SGK2: variants seen among roughly 807,000 people sequenced by gnomAD.
SGK2 encodes serum/glucocorticoid regulated kinase 2.
Under a neutral mutation model 47.5 loss-of-function variants are expected in SGK2, and 36 were observed. That is an observed-to-expected ratio of 0.76 (90% CI 0.58 to 1.00). The LOEUF (loss-of-function observed/expected upper bound fraction) is 1.00, where lower values mean the gene tolerates loss of function less well. Among genes scored for constraint, SGK2 ranks in the 50% least tolerant of loss-of-function variants. The pLI, the probability that SGK2 is intolerant of heterozygous loss-of-function variation, is 0.00. For missense variants in SGK2, 404 were observed against 467.4 expected (o/e 0.86, Z 1.25); for synonymous variants, 157 against 181.9 (o/e 0.86, Z 1.10).
intron 12 of SGK2, chr20:43,583,681 T>A: frequency 1.1e-6 from 1 of 897,816 alleles, no homozygotes; most frequent in Non-Finnish European, 1.3e-6. Context: ...AAAACAACAA[T>A]CTTTTGGCTG....
chr20:43,565,357 G>T (rs1397199827), intron 1 of SGK2: 1 of 152,472 alleles, frequency 6.6e-6, no homozygotes, highest in East Asian at 1.9e-4. Context: ...GGGTGTGGCA[G>T]TGTTGTGGGC....
At position 43,574,994 on chromosome 20, in the gene SGK2, T is replaced by C; in HGVS notation, c.683T>C (p.Leu228Pro). Residue 228 changes from leucine (L) to proline (P), a missense_variant, in exon 10 of 13, where the codon CTC becomes CCC. Transcript: ENST00000373100. ...TTGGGGGCAGTCCTCTACGAGATGC[T>C]CCATGGCCTGGTGAGTCAGGGGTAG... ...WCLGAVLYEM[L>P]HGLPPFYSQD... 3.1e-6 allele frequency: 5 copies of C among 1,612,992 alleles called. No individual in the cohort carries two copies. Among genetic ancestry groups the C allele is most frequent in the Non-Finnish European group, 4.2e-6 (5 of 1,179,140 alleles).
At chr20:43,583,290 A>C (rs1245561073) in intron 12 of SGK2, 3 of 1,289,730 alleles carry the variant, frequency 2.3e-6, no homozygotes, top group Non-Finnish European at 3.0e-6. Flanking sequence ...TACATGGAAT[A>C]CTAGGCAGAG....
At chr20:43,567,024 C>T in intron 2 of SGK2, 44 bp from the exon 3 acceptor site, 2 of 1,545,268 alleles carry the variant, frequency 1.3e-6, no homozygotes, top group Non-Finnish European at 1.8e-6. Flanking sequence ...AGGGAGGTAG[C>T]CAAGGAGTAG....
chr20:43,562,173 G>A (rs552609407), intron 1 of SGK2, among the ~76,000 whole-genome samples: 3 of 151,944 alleles, frequency 2.0e-5, no homozygotes, highest in African/African-American at 4.8e-5. Context: ...CAGCAATTTG[G>A]GAGGCCGAGG....
chr20:43,566,320 A>G, intron 1 of SGK2, 153 bp from the exon 2 acceptor site: 4 of 1,609,922 alleles, frequency 2.5e-6, no homozygotes, highest in Non-Finnish European at 3.4e-6. Context: ...CCATCCATGC[A>G]GGGGTTGCTT....
chr20:43,576,180 A>C (rs1980449021), intron 10 of SGK2, 44 bp from the exon 11 acceptor site: 1 of 1,602,324 alleles, frequency 6.2e-7, no homozygotes, highest in Non-Finnish European at 8.5e-7. Flanking sequence ...GCCTGTGTTC[A>C]CTTTGCATGG....
At chr20:43,580,154 G>A (rs186356731) in intron 12 of SGK2, 93 bp downstream of exon 12, 194 of 766,182 alleles carry the variant, frequency 2.5e-4, no homozygotes, top group Middle Eastern at 4.8e-4. Context: ...GAAAACTTGG[G>A]GGTCCAAGAA....
In SGK2 at chr20:43,572,302, G is replaced by A. The variant is rs972509498; in HGVS notation, c.597+165G>A. On this transcript the variant is annotated intron_variant, in intron 9 of 12. Coordinates refer to ENST00000373100, the MANE Select transcript of SGK2 (RefSeq NM_170693.3). This position sits in a 1 kb window ranked among gnomAD's most constrained non-coding sequence, Gnocchi z 4.2. The stretch of plus-strand genomic sequence containing the variant: ...TGGTTTCCTCATCTATGTAATGGGG[G>A]TACCAGCTCTAGGACTGCTGAGACC... Among the ~76,000 whole-genome samples the A allele has an allele frequency of 2.0e-5, 3 of 152,212 alleles. No homozygotes were observed. Among genetic ancestry groups the A allele is most frequent in the African/African-American group, 4.8e-5 (2 of 41,458 alleles).
In SGK2 at chr20:43,567,062, C is replaced by T; in HGVS notation, c.37-6C>T. On this transcript the variant is annotated splice_polypyrimidine_tract_variant and splice_region_variant and intron_variant, in intron 2 of 12. Coordinates refer to ENST00000373100, the MANE Select transcript of SGK2 (RefSeq NM_170693.3). ...ATCTGCTGATCATAATCACTTCTTT[C>T]TTTAGCCCTCCAGGGCCAATGGGAA... 6.2e-7 allele frequency: 1 copy of T among 1,613,608 alleles called. No homozygotes were observed. Among genetic ancestry groups the T allele is most frequent in the Non-Finnish European group, 8.5e-7 (1 of 1,179,522 alleles).
At chr20:43,561,352 A>G (rs1052333262) in intron 1 of SGK2, among the ~76,000 whole-genome samples, 1 of 151,348 alleles carries the variant, frequency 6.6e-6, no homozygotes, top group African/African-American at 2.4e-5. Flanking sequence ...AAGCTAGGTC[A>G]TATGGATCTC....
intron 9 of SGK2, among the ~76,000 whole-genome samples, chr20:43,574,623 G>T (rs538466277): frequency 6.6e-6 from 1 of 152,268 alleles, no homozygotes; most frequent in Non-Finnish European, 1.5e-5. Flanking sequence ...TTACAGCCAT[G>T]AGTGCAGCCC....
At chr20:43,574,445 A>G (rs1373259363) in intron 9 of SGK2, among the ~76,000 whole-genome samples, 1 of 152,162 alleles carries the variant, frequency 6.6e-6, no homozygotes, top group Non-Finnish European at 1.5e-5. Context: ...CTGTGAGAGT[A>G]CTCCCGGGGC....
At position 43,562,239 on chromosome 20, in the gene SGK2, C is replaced by T. The variant is rs547548566; in HGVS notation, c.-24+3080C>T. Among the ~76,000 whole-genome samples the T allele has an allele frequency of 7.9e-5, 12 of 150,946 alleles. No individual in the cohort carries two copies. In the South Asian group the frequency reaches 2.5e-3, roughly 32 times the overall value. ...GACCAGCCTGGGCAACATAGTGAAA[C>T]CCTGTCTCTACAAAAAGTACAAAAA... On this transcript the variant is annotated intron_variant, in intron 1 of 12. Coordinates refer to ENST00000373100, the MANE Select transcript of SGK2 (RefSeq NM_170693.3).
intron 2 of SGK2, 49 bp from the exon 3 acceptor site, chr20:43,567,019 G>T (rs1446744766): frequency 2.0e-6 from 3 of 1,488,822 alleles, no homozygotes; most frequent in Non-Finnish European, 2.8e-6. Flanking sequence ...GAGAAAGGGA[G>T]GTAGCCAAGG....
At chr20:43,566,162 A>G (rs6065627) in intron 1 of SGK2, 58,125 of 600,744 alleles carry the variant, frequency 0.097, 3,141 homozygotes, top group Admixed American at 0.15. Context: ...TTCTGGAGCT[A>G]CCCTGGCTCA....
At chr20:43,579,508 A>C (rs964210420) in intron 11 of SGK2, among the ~76,000 whole-genome samples, 1 of 152,148 alleles carries the variant, frequency 6.6e-6, no homozygotes, top group African/African-American at 2.4e-5. Flanking sequence ...GGTGTCTGGG[A>C]ATCTGAAGGT....
chr20:43,561,894 A>C lies in SGK2; in HGVS notation c.-24+2735A>C, dbSNP rs78782504. Among the ~76,000 whole-genome samples, 1,183 of 152,296 alleles carry C rather than the reference A, an allele frequency of 7.8e-3. 12 individuals carry two copies. Among genetic ancestry groups the C allele is most frequent in the African/African-American group, 0.027 (1,118 of 41,544 alleles). On this transcript the variant is annotated intron_variant, in intron 1 of 12. Transcript: ENST00000373100. ...ATGGGGGCTCAGGCAGGGCGGTTGC[A>C]GCAATGATGGTGAGCAGCAATGGTT... is the stretch of plus-strand genomic sequence containing the variant.
At chr20:43,567,861 G>A (rs1033377498) in intron 4 of SGK2, 55 bp from the exon 5 acceptor site, 8 of 1,576,088 alleles carry the variant, frequency 5.1e-6, no homozygotes, top group Non-Finnish European at 7.0e-6. Context: ...GCCTTGTACT[G>A]CTGTTGGGAA....
Sources: allele counts gnomAD v4.1 joint callset (sites outside exome capture counted in the v4.1 genomes callset), GRCh38; gene constraint gnomAD v4.1.1; non-coding constraint Gnocchi (gnomAD v3.1); transcripts MANE v1.5; gene names NCBI Gene and HGNC (gene_info 2026-07-23, HGNC 2026-07-21).